OR2L13: variants seen among roughly 807,000 people sequenced by gnomAD.
OR2L13 encodes the protein olfactory receptor family 2 subfamily L member 13, also known as olfactory receptor 2L13.
Under a neutral mutation model 15.3 loss-of-function variants are expected in OR2L13, and 14 were observed. That is an observed-to-expected ratio of 0.91 (90% confidence interval 0.60 to 1.43). The LOEUF is 1.43. Among genes scored for constraint, OR2L13 ranks in the 40% most tolerant of loss-of-function variants. OR2L13 has a pLI of 0.00. For missense variants in OR2L13, 367 were observed against 387.9 expected (o/e 0.95, Z 0.45); for synonymous variants, 152 against 142.9 (o/e 1.06, Z -0.45).
chr1:247,964,885 ATTT>A, the OR2L13 span, among the ~76,000 whole-genome samples: 1,504 of 148,668 alleles, frequency 0.01, 29 homozygotes, highest in African/African-American at 0.035. Flanking sequence ...AATTACATAT[ATTT>A]TTATATAATA....
At chr1:248,096,716 T>C (rs1230430877), upstream of OR2L13, among the ~76,000 whole-genome samples, 1 of 152,242 alleles carries the variant, frequency 6.6e-6, no homozygotes, top group Non-Finnish European at 1.5e-5. Context: ...TCACTAATTG[T>C]AATTTTGCAA....
At chr1:247,957,426 T>C in the OR2L13 span, among the ~76,000 whole-genome samples, 3 of 152,106 alleles carry the variant, frequency 2.0e-5, no homozygotes, top group Non-Finnish European at 4.4e-5. Context: ...TGTCTCTGCC[T>C]GGCTTTGGTA....
chr1:248,049,186 T>C, the OR2L13 span, among the ~76,000 whole-genome samples: 1 of 152,178 alleles, frequency 6.6e-6, no homozygotes, highest in Non-Finnish European at 1.5e-5. Flanking sequence ...CTTCAAATCT[T>C]GTGATTCAGT....
chr1:248,050,174 C>G, the OR2L13 span, among the ~76,000 whole-genome samples: 72 of 151,996 alleles, frequency 4.7e-4, no homozygotes, highest in African/African-American at 1.7e-3. Flanking sequence ...CCTACTCACT[C>G]TGAAATAGTG....
chr1:248,101,162 T>C (rs1187859652), downstream of OR2L13: 2 of 152,126 alleles, frequency 1.3e-5, no homozygotes, highest in African/African-American at 4.8e-5. Flanking sequence ...TAAATAACTT[T>C]ATCAAAGTTG....
the OR2L13 span, among the ~76,000 whole-genome samples, chr1:247,950,044 T>TG: frequency 5.9e-5 from 9 of 152,174 alleles, no homozygotes; most frequent in Non-Finnish European, 8.8e-5. Context: ...AATAAGAATT[T>TG]TTTTTTTGGT....
the OR2L13 span, among the ~76,000 whole-genome samples, chr1:248,065,586 C>G: frequency 1.8e-5 from 2 of 111,412 alleles, no homozygotes; most frequent in Non-Finnish European, 3.7e-5. Context: ...CCTCCCCCCT[C>G]CCCCCACCCC....
At chr1:247,966,295 T>C in the OR2L13 span, 2 of 1,613,574 alleles carry the variant, frequency 1.2e-6, no homozygotes, top group Admixed American at 1.7e-5. Flanking sequence ...ACTGTTGGGA[T>C]ATTGGATATG....
At chr1:248,069,497 C>T in the OR2L13 span, among the ~76,000 whole-genome samples, 1 of 152,154 alleles carries the variant, frequency 6.6e-6, no homozygotes, top group Non-Finnish European at 1.5e-5. Flanking sequence ...AAAGGAACAA[C>T]CGGTACTAGC....
At chr1:248,008,147 A>G in the OR2L13 span, among the ~76,000 whole-genome samples, 2 of 152,150 alleles carry the variant, frequency 1.3e-5, no homozygotes, top group South Asian at 2.1e-4. Context: ...AGAAAATAGC[A>G]CTTACAACCA....
chr1:247,971,874 A>T, the OR2L13 span, among the ~76,000 whole-genome samples: 1 of 152,156 alleles, frequency 6.6e-6, no homozygotes, highest in Non-Finnish European at 1.5e-5. Flanking sequence ...TGGAAGTCAA[A>T]CACTCCTCAG....
the OR2L13 span, chr1:247,949,375 T>C: frequency 6.2e-7 from 1 of 1,614,214 alleles, no homozygotes. Context: ...TCCAGGGCCA[T>C]CAATCATTTC....
the OR2L13 span, among the ~76,000 whole-genome samples, chr1:248,086,574 T>A: frequency 2.0e-5 from 3 of 152,112 alleles, no homozygotes; most frequent in African/African-American, 7.2e-5. Flanking sequence ...TTGATTGTTT[T>A]TACTAATTAT....
At chr1:247,992,637 C>T in the OR2L13 span, among the ~76,000 whole-genome samples, 1 of 152,294 alleles carries the variant, frequency 6.6e-6, no homozygotes, top group Admixed American at 6.5e-5. Flanking sequence ...TTGGTTTGTT[C>T]TTCCTCAGTC....
At chr1:247,977,233 C>T in the OR2L13 span, among the ~76,000 whole-genome samples, 1 of 152,182 alleles carries the variant, frequency 6.6e-6, no homozygotes, top group African/African-American at 2.4e-5. Context: ...GTATTCTTAG[C>T]CCATTGCATT....
chr1:248,038,393 A>G, the OR2L13 span: 2 of 1,613,636 alleles, frequency 1.2e-6, no homozygotes, highest in Non-Finnish European at 1.7e-6. Flanking sequence ...TTGGAAATCT[A>G]TCCATGATTC....
At chr1:248,013,246 T>G in the OR2L13 span, among the ~76,000 whole-genome samples, 1 of 152,138 alleles carries the variant, frequency 6.6e-6, no homozygotes, top group Non-Finnish European at 1.5e-5. Flanking sequence ...TACAGACACA[T>G]CCTTGCTATA....
At chr1:248,023,595 A>G in the OR2L13 span, 2 of 152,184 alleles carry the variant, frequency 1.3e-5, no homozygotes, top group South Asian at 4.1e-4. Context: ...CTTCTGAACA[A>G]TTTTTTTCTA....
chr1:247,984,646 C>T, the OR2L13 span, among the ~76,000 whole-genome samples: 1 of 152,228 alleles, frequency 6.6e-6, no homozygotes, highest in South Asian at 2.1e-4. Flanking sequence ...GGCTGAGAAA[C>T]TTGCCAGAAT....
Sources: gnomAD v4.1 joint callset for allele counts (sites outside exome capture counted in the v4.1 genomes callset) on GRCh38, gnomAD v4.1.1 for gene constraint, MANE v1.5 for transcripts, NCBI Gene and HGNC (gene_info 2026-07-23, HGNC 2026-07-21) for gene names.